The following PCSK2 variants were observed in gnomAD, a reference collection of about 807,000 sequenced individuals.
The protein encoded by PCSK2 is proprotein convertase subtilisin/kexin type 2.
A neutral mutation model predicts 69.7 loss-of-function variants in PCSK2; 14 were observed. The observed-to-expected ratio is 0.20, with a 90% CI of 0.13 to 0.31. The LOEUF (loss-of-function observed/expected upper bound fraction) is 0.31. Among genes scored for constraint, PCSK2 ranks in the 10% least tolerant of loss-of-function variants. The probability of loss-of-function intolerance (pLI) is 1.00; values close to 1 mark genes in which losing one functional copy is unlikely to be tolerated. For synonymous variants in PCSK2, 307 were observed against 320.7 expected, an observed-to-expected ratio of 0.96 and a Z score of 0.46; for missense variants, 544 against 842.5, an observed-to-expected ratio of 0.65 and a Z score of 4.39.
At position 17,446,221 on chromosome 20, in the gene PCSK2, G is replaced by A. The variant is rs143682908; in HGVS notation, c.886-7521G>A. On this transcript the variant is annotated intron_variant, in intron 8 of 11. Transcript: ENST00000262545. Reference sequence around the variant, plus strand: ...ATTCTGACCTCCAAGGTGGTTACACGAAAACCAGACAATAACTAAAGACAA... The same window carrying A: ...ATTCTGACCTCCAAGGTGGTTACACAAAAACCAGACAATAACTAAAGACAA... 7.6e-3 allele frequency among the ~76,000 whole-genome samples: 1,158 copies of A among 152,276 alleles called. 9 individuals are homozygous for A. Among genetic ancestry groups the A allele is most frequent in the South Asian group, 0.045 (215 of 4,824 alleles).
intron 2 of PCSK2, among the ~76,000 whole-genome samples, chr20:17,334,168 A>C (rs1168323491): frequency 6.6e-6 from 1 of 151,838 alleles, no homozygotes; most frequent in East Asian, 2.0e-4. Flanking sequence ...TGGAGTGGGC[A>C]ATCTACTTTT....
At chr20:17,357,758 G>A (rs1217765026) in intron 2 of PCSK2, among the ~76,000 whole-genome samples, 1 of 152,114 alleles carries the variant, frequency 6.6e-6, no homozygotes, top group African/African-American at 2.4e-5. Flanking sequence ...GCTGGGTGTG[G>A]TGGCACATGC....
At chr20:17,393,620 A>G (rs901645179) in intron 5 of PCSK2, among the ~76,000 whole-genome samples, 3 of 151,970 alleles carry the variant, frequency 2.0e-5, no homozygotes, top group African/African-American at 7.3e-5. Context: ...TCCAGTAAGC[A>G]TTCTGTTGGG....
intron 6 of PCSK2, among the ~76,000 whole-genome samples, chr20:17,417,381 C>T (rs2032023546): frequency 6.6e-6 from 1 of 151,000 alleles, no homozygotes; most frequent in Non-Finnish European, 1.5e-5. Flanking sequence ...GTCATAGTGA[C>T]TCAGGCAAGC....
intron 2 of PCSK2, among the ~76,000 whole-genome samples, chr20:17,338,164 T>A (rs1411952933): frequency 1.4e-5 from 1 of 72,400 alleles, no homozygotes; most frequent in Admixed American, 1.3e-4. Context: ...AAACCTTACA[T>A]TTTTTTTGGG....
chr20:17,307,862 A>G (rs966005041), intron 2 of PCSK2, among the ~76,000 whole-genome samples: 2 of 152,236 alleles, frequency 1.3e-5, no homozygotes, highest in African/African-American at 2.4e-5. Context: ...TAAATTATAA[A>G]GAAACGAGGT....
chr20:17,343,873 C>G (rs908901751), intron 2 of PCSK2, among the ~76,000 whole-genome samples: 1 of 152,200 alleles, frequency 6.6e-6, no homozygotes, highest in African/African-American at 2.4e-5. Flanking sequence ...CCTACAAGAG[C>G]CTCTAGAAGG....
At chr20:17,430,483 AAAGCAAAGGT>A (rs1326628418) in intron 7 of PCSK2, among the ~76,000 whole-genome samples, 1 of 152,236 alleles carries the variant, frequency 6.6e-6, no homozygotes, top group Non-Finnish European at 1.5e-5. Flanking sequence ...GGAACTAAAT[AAAGCAAAGGT>A]AACCTATACA....
At chr20:17,323,298 A>G (rs941112416) in intron 2 of PCSK2, among the ~76,000 whole-genome samples, 3 of 152,222 alleles carry the variant, frequency 2.0e-5, no homozygotes, top group Non-Finnish European at 4.4e-5. Context: ...CAGAGGGATG[A>G]CCATGTGAGG....
chr20:17,295,743 CG>C (rs1988871352), intron 2 of PCSK2, among the ~76,000 whole-genome samples: 1 of 151,678 alleles, frequency 6.6e-6, no homozygotes, highest in Non-Finnish European at 1.5e-5. Context: ...TTTGTAGAGA[CG>C]GGGGTCTTAC....
chr20:17,363,450 T>C (rs944748756), intron 4 of PCSK2, among the ~76,000 whole-genome samples: 12 of 152,250 alleles, frequency 7.9e-5, no homozygotes, highest in Admixed American at 7.9e-4. Context: ...CCTATGTAGA[T>C]ATTAGCAAGG....
intron 4 of PCSK2, among the ~76,000 whole-genome samples, chr20:17,365,666 C>T (rs952257446): frequency 1.3e-5 from 2 of 152,174 alleles, no homozygotes; most frequent in African/African-American, 2.4e-5. Context: ...AAACAAGTTA[C>T]GTGTTTCCAA....
chr20:17,259,465 T>C (rs1490683069), intron 1 of PCSK2, among the ~76,000 whole-genome samples: 1 of 152,174 alleles, frequency 6.6e-6, no homozygotes, highest in East Asian at 1.9e-4. Flanking sequence ...CCCACAATCA[T>C]ACTGATGGTA....
chr20:17,249,131 C>A (rs768872615), intron 1 of PCSK2, among the ~76,000 whole-genome samples: 6 of 152,108 alleles, frequency 3.9e-5, no homozygotes, highest in Non-Finnish European at 8.8e-5. Context: ...AAATACATGA[C>A]CTTTCTGAGG....
chr20:17,295,375 C>T (rs1193404477), intron 2 of PCSK2, among the ~76,000 whole-genome samples: 2 of 152,004 alleles, frequency 1.3e-5, no homozygotes, highest in African/African-American at 2.4e-5. Context: ...AACACTCTAC[C>T]ACCGTGCAAT....
chr20:17,269,540 C>A (rs964029473), intron 2 of PCSK2, among the ~76,000 whole-genome samples: 1 of 152,090 alleles, frequency 6.6e-6, no homozygotes, highest in Non-Finnish European at 1.5e-5. Flanking sequence ...ATTTTTCAAA[C>A]GCTTTCTCAA....
intron 5 of PCSK2, among the ~76,000 whole-genome samples, chr20:17,408,046 C>G (rs552451647): frequency 6.6e-6 from 1 of 152,142 alleles, no homozygotes; most frequent in African/African-American, 2.4e-5. Flanking sequence ...CTTACAAACT[C>G]AAGTGTGTCA....
chr20:17,253,435 C>T (rs1397177593), intron 1 of PCSK2, among the ~76,000 whole-genome samples: 2 of 152,166 alleles, frequency 1.3e-5, no homozygotes, highest in Non-Finnish European at 2.9e-5. Flanking sequence ...CTATTCTGGA[C>T]ATTTCATATA....
intron 11 of PCSK2, chr20:17,479,410 A>AGTGGCGATGGTACTCCTCCATG: frequency 1.6e-6 from 1 of 641,090 alleles, no homozygotes. Context: ...ACCTCGTCGC[A>AGTGGCGATGGTACTCCTCCATG]GTGGCGATGG....
Sources: allele counts gnomAD v4.1 joint callset (sites outside exome capture counted in the v4.1 genomes callset), GRCh38; gene constraint gnomAD v4.1.1; transcripts MANE v1.5; gene names NCBI Gene and HGNC (gene_info 2026-07-23, HGNC 2026-07-21).